Variants in ZBTB20 observed in about 807,000 individuals in gnomAD.
The protein encoded by ZBTB20 is zinc finger and BTB domain containing 20.
Under a neutral mutation model 56.9 loss-of-function variants are expected in ZBTB20, and 9 were observed. The observed-to-expected ratio is 0.16, with a 90% CI of 0.10 to 0.28. ZBTB20 has a LOEUF of 0.28. ZBTB20 is among the 10% of genes least tolerant of loss of function. The pLI is 1.00. For missense variants in ZBTB20, 655 were observed against 1,003.0 expected, an observed-to-expected ratio of 0.65 and a Z score of 4.69; for synonymous variants, 417 against 420.7, an observed-to-expected ratio of 0.99 and a Z score of 0.11.
intron 6 of ZBTB20, among the ~76,000 whole-genome samples, chr3:114,674,265 T>C (rs966939372): frequency 6.6e-6 from 1 of 152,218 alleles, no homozygotes; most frequent in African/African-American, 2.4e-5. Flanking sequence ...ATTGTTTAGT[T>C]ACTCTACTTA....
chr3:114,868,780 A>T (rs1476370191), intron 4 of ZBTB20, among the ~76,000 whole-genome samples: 1 of 152,178 alleles, frequency 6.6e-6, no homozygotes, highest in Non-Finnish European at 1.5e-5. Context: ...TTTTTTGTTC[A>T]TAATAAAAAT....
intron 4 of ZBTB20, among the ~76,000 whole-genome samples, chr3:114,815,763 C>T (rs1014566679): frequency 6.6e-6 from 1 of 152,000 alleles, no homozygotes; most frequent in South Asian, 2.1e-4. Flanking sequence ...CCGGCTACTA[C>T]ATAAATATTA....
At chr3:115,144,144 G>A (rs572263236) in intron 1 of ZBTB20, among the ~76,000 whole-genome samples, 2 of 152,136 alleles carry the variant, frequency 1.3e-5, no homozygotes, top group Admixed American at 6.5e-5. Context: ...CTCTACTTCC[G>A]TATTCCAAAT....
intron 5 of ZBTB20, among the ~76,000 whole-genome samples, chr3:114,781,509 T>C (rs947742836): frequency 5.9e-5 from 9 of 152,194 alleles, no homozygotes; most frequent in Non-Finnish European, 1.3e-4. Flanking sequence ...TTCAGTAGGA[T>C]TAATGAAATA....
intron 3 of ZBTB20, among the ~76,000 whole-genome samples, chr3:114,904,961 C>T (rs1359185740): frequency 6.6e-6 from 1 of 151,836 alleles, no homozygotes; most frequent in African/African-American, 2.4e-5. Flanking sequence ...AGCTTATTTA[C>T]AAAAACTGCA....
chr3:114,472,098 T>C (rs532838346), intron 7 of ZBTB20, among the ~76,000 whole-genome samples: 1 of 152,318 alleles, frequency 6.6e-6, no homozygotes, highest in East Asian at 1.9e-4. Context: ...ACTAACATCA[T>C]CATTATCACT....
In ZBTB20 at chr3:114,779,124, G is replaced by T. The variant is rs371164817; in HGVS notation, c.-343+21977C>A. 5.1e-4 allele frequency among the ~76,000 whole-genome samples: 78 copies of T among 152,274 alleles called. No individual in the cohort carries two copies. The South Asian group carries it at 0.012, about 24-fold the overall frequency. The stretch of plus-strand genomic sequence containing the variant: ...GCCACTGAGTTCCACTATCTGGGGT[G>T]CTGAGCAGTCGATATGAATTCCAAC... On this transcript the variant is annotated intron_variant, in intron 5 of 11. Coordinates refer to ENST00000675478, the MANE Select transcript of ZBTB20 (RefSeq NM_001348800.3).
intron 5 of ZBTB20, among the ~76,000 whole-genome samples, chr3:114,792,580 T>A (rs1260341809): frequency 6.6e-6 from 1 of 152,124 alleles, no homozygotes; most frequent in African/African-American, 2.4e-5. Context: ...AGATAATTAT[T>A]CTACAGTAAG....
At chr3:114,837,063 T>A (rs950161071) in intron 4 of ZBTB20, among the ~76,000 whole-genome samples, 3 of 152,172 alleles carry the variant, frequency 2.0e-5, no homozygotes, top group Non-Finnish European at 4.4e-5. Context: ...GGTCTAGCTA[T>A]ATTGCCTCTG....
At chr3:114,698,836 T>C (rs891873299) in intron 5 of ZBTB20, among the ~76,000 whole-genome samples, 3 of 152,126 alleles carry the variant, frequency 2.0e-5, no homozygotes, top group African/African-American at 7.2e-5. Flanking sequence ...TAATGACCCA[T>C]GGTGGTATGC....
At chr3:115,080,275 C>T (rs763459720) in intron 1 of ZBTB20, among the ~76,000 whole-genome samples, 28 of 152,150 alleles carry the variant, frequency 1.8e-4, no homozygotes, top group Non-Finnish European at 4.0e-4. Flanking sequence ...GGACTTCCAG[C>T]CTCCAGAACT....
At chr3:114,794,160 A>G (rs1440505645) in intron 5 of ZBTB20, among the ~76,000 whole-genome samples, 1 of 152,024 alleles carries the variant, frequency 6.6e-6, no homozygotes, top group Non-Finnish European at 1.5e-5. Flanking sequence ...CAGTTTTTTC[A>G]TTATAAAATG....
intron 5 of ZBTB20, among the ~76,000 whole-genome samples, chr3:114,718,873 C>T (rs2064703381): frequency 6.6e-6 from 1 of 151,678 alleles, no homozygotes; most frequent in African/African-American, 2.4e-5. Flanking sequence ...AACATAGTAG[C>T]AAAATTCCCA....
intron 1 of ZBTB20, among the ~76,000 whole-genome samples, chr3:115,096,025 C>T (rs771761901): frequency 4.0e-4 from 61 of 152,182 alleles, no homozygotes; most frequent in Non-Finnish European, 7.8e-4. Flanking sequence ...AATACCTACA[C>T]ACCTATACAT....
Position 114,370,630 on chromosome 3 carries a change from C to CT in ZBTB20, c.199+9586dup, listed in dbSNP as rs573041441. 1.6e-3 allele frequency among the ~76,000 whole-genome samples: 236 copies of CT among 151,946 alleles called. 1 individual carries two copies. The highest frequency in any genetic ancestry group is 2.6e-3 in the Non-Finnish European group (176 of 67,968). On this transcript the variant is annotated intron_variant, in intron 10 of 11. Coordinates refer to ENST00000675478, the MANE Select transcript of ZBTB20 (RefSeq NM_001348800.3). ...AAATATTTCCCAAGGTTTTGCTTTC[C>CT]TTTTTTCTCTCAACAAAGACTTCTT... is the stretch of plus-strand genomic sequence containing the variant.
intron 2 of ZBTB20, among the ~76,000 whole-genome samples, chr3:115,064,789 G>A (rs929663994): frequency 9.9e-5 from 15 of 152,068 alleles, no homozygotes; most frequent in African/African-American, 3.6e-4. Flanking sequence ...TTCTAGCTTT[G>A]AATGTTGTCA....
chr3:114,600,103 T>C (rs1436393169), intron 6 of ZBTB20, among the ~76,000 whole-genome samples: 1 of 152,046 alleles, frequency 6.6e-6, no homozygotes, highest in East Asian at 1.9e-4. Context: ...ACAACTAAAA[T>C]AAAACACCAT....
chr3:115,094,030 C>T (rs2083292538), intron 1 of ZBTB20, among the ~76,000 whole-genome samples: 1 of 152,052 alleles, frequency 6.6e-6, no homozygotes, highest in Admixed American at 6.6e-5. Flanking sequence ...AGCTTTACCC[C>T]TGTACCCTCA....
At chr3:114,877,195 TAATC>T (rs1446671791) in intron 4 of ZBTB20, among the ~76,000 whole-genome samples, 10 of 152,238 alleles carry the variant, frequency 6.6e-5, no homozygotes, top group African/African-American at 2.2e-4. Context: ...CATAACTACT[TAATC>T]AACCATTAAA....
Sources: gnomAD v4.1 joint callset for allele counts (sites outside exome capture counted in the v4.1 genomes callset) on GRCh38, gnomAD v4.1.1 for gene constraint, MANE v1.5 for transcripts, NCBI Gene and HGNC (gene_info 2026-07-23, HGNC 2026-07-21) for gene names.